The following RAP1A variants were observed in gnomAD, a reference collection of about 807,000 sequenced individuals.
RAP1A encodes the protein ras-related protein Rap-1A.
A neutral mutation model predicts 26.4 loss-of-function variants in RAP1A; 6 were observed. That is an observed-to-expected ratio of 0.23 (90% CI 0.12 to 0.45). The LOEUF is 0.45. Ranked by LOEUF, RAP1A falls within the 20% of genes least tolerant of loss-of-function variation. The probability of loss-of-function intolerance (pLI) is 0.99; values close to 1 mark genes in which losing one functional copy is unlikely to be tolerated. For missense variants in RAP1A, 121 were observed against 217.2 expected, an observed-to-expected ratio of 0.56 and a Z score of 2.78; for synonymous variants, 73 against 79.4, an observed-to-expected ratio of 0.92 and a Z score of 0.43.
chr1:111,651,048 C>T lies in RAP1A; in HGVS notation c.-28+31114C>T, dbSNP rs181057307. Reference sequence around the variant, plus strand: ...CGATCTCCTGACCTCGTGATCCGCCCGCCTCGGCCTCCCAAAGTGCTGGGA... The same window carrying T: ...CGATCTCCTGACCTCGTGATCCGCCTGCCTCGGCCTCCCAAAGTGCTGGGA... On this transcript the variant is annotated intron_variant, in intron 1 of 7. Transcript: ENST00000369709. 8.5e-3 allele frequency among the ~76,000 whole-genome samples: 1,298 copies of T among 152,108 alleles called. 25 individuals carry two copies. The highest frequency in any genetic ancestry group is 0.042 in the Admixed American group (639 of 15,286).
At chr1:111,583,131 C>G (rs1658291746) in intron 1 of RAP1A, among the ~76,000 whole-genome samples, 1 of 152,172 alleles carries the variant, frequency 6.6e-6, no homozygotes, top group South Asian at 2.1e-4. Flanking sequence ...CACCACTGAA[C>G]CTCTAAACAT....
At chr1:111,682,244 C>A (rs192559529) in intron 1 of RAP1A, among the ~76,000 whole-genome samples, 1 of 152,090 alleles carries the variant, frequency 6.6e-6, no homozygotes, top group Non-Finnish European at 1.5e-5. Flanking sequence ...AAAAACCATA[C>A]CAAAATATGA....
intron 1 of RAP1A, among the ~76,000 whole-genome samples, chr1:111,582,112 T>G (rs1280719967): frequency 2.0e-5 from 3 of 152,318 alleles, no homozygotes; most frequent in African/African-American, 7.2e-5. Context: ...TCAAGTGACA[T>G]CTCAGCCTTG....
intron 6 of RAP1A, 77 bp downstream of exon 6, chr1:111,704,563 A>AAAATTTTTATCTTTT: frequency 7.1e-7 from 1 of 1,401,206 alleles, no homozygotes; most frequent in Non-Finnish European, 9.5e-7. Flanking sequence ...CTTTTAAGAA[A>AAAATTTTTATCTTTT]AAATTTTTAT....
At chr1:111,688,871 A>G (rs1405672748) in intron 1 of RAP1A, among the ~76,000 whole-genome samples, 5 of 133,736 alleles carry the variant, frequency 3.7e-5, no homozygotes, top group East Asian at 2.2e-4. Flanking sequence ...GTCTCACTCT[A>G]TCGCCCAGGC....
At chr1:111,575,383 C>G (rs763979708) in intron 1 of RAP1A, among the ~76,000 whole-genome samples, 9 of 152,152 alleles carry the variant, frequency 5.9e-5, no homozygotes, top group Non-Finnish European at 1.0e-4. Flanking sequence ...AAACTCCTGG[C>G]CTCAAGTGAT....
chr1:111,551,953 C>A (rs2789534), intron 1 of RAP1A, among the ~76,000 whole-genome samples: 149,719 of 152,304 alleles, frequency 0.98, 73,638 homozygotes, highest in Middle Eastern at 1. Context: ...CGGCATGCAC[C>A]TGGCCTTCTA....
intron 1 of RAP1A, among the ~76,000 whole-genome samples, chr1:111,549,762 C>G (rs572100019): frequency 6.6e-6 from 1 of 152,264 alleles, no homozygotes; most frequent in South Asian, 2.1e-4. Flanking sequence ...GATCCTTCCA[C>G]TGCAGCCCCC....
At chr1:111,670,426 A>T (rs1440663600) in intron 1 of RAP1A, among the ~76,000 whole-genome samples, 1 of 152,142 alleles carries the variant, frequency 6.6e-6, no homozygotes, top group Non-Finnish European at 1.5e-5. Flanking sequence ...GTGAGCCAAG[A>T]TCATGCCACT....
intron 1 of RAP1A, among the ~76,000 whole-genome samples, chr1:111,598,816 A>C (rs1338065798): frequency 6.6e-6 from 1 of 152,100 alleles, no homozygotes; most frequent in East Asian, 1.9e-4. Flanking sequence ...AGTAGAAACC[A>C]CAGGTTGAGG....
intron 1 of RAP1A, among the ~76,000 whole-genome samples, chr1:111,569,741 G>C (rs758758556): frequency 6.6e-6 from 1 of 152,006 alleles, no homozygotes; most frequent in Non-Finnish European, 1.5e-5. Flanking sequence ...TGGCCAAGAG[G>C]TCTTCCCAGA....
intron 1 of RAP1A, among the ~76,000 whole-genome samples, chr1:111,677,767 A>G (rs1204745990): frequency 6.6e-6 from 1 of 152,190 alleles, no homozygotes; most frequent in Non-Finnish European, 1.5e-5. Flanking sequence ...GAAGTCACAT[A>G]TTTTAGCTTC....
chr1:111,673,142 C>T (rs2101187374), intron 1 of RAP1A, among the ~76,000 whole-genome samples: 1 of 152,284 alleles, frequency 6.6e-6, no homozygotes, highest in Non-Finnish European at 1.5e-5. Flanking sequence ...TTATGATGTA[C>T]TCTAAAGAGC....
intron 1 of RAP1A, among the ~76,000 whole-genome samples, chr1:111,633,086 T>C (rs1659621938): frequency 6.6e-6 from 1 of 152,106 alleles, no homozygotes; most frequent in Non-Finnish European, 1.5e-5. Context: ...ATGAAGAGGG[T>C]TGTTGTGAAG....
At chr1:111,600,460 A>G (rs72983181) in intron 1 of RAP1A, among the ~76,000 whole-genome samples, 1,716 of 152,332 alleles carry the variant, frequency 0.011, 26 homozygotes, top group African/African-American at 0.039. Flanking sequence ...AGCCAGTGCT[A>G]CAAGAGGTAG....
intron 1 of RAP1A, among the ~76,000 whole-genome samples, chr1:111,544,311 T>G (rs1304096406): frequency 2.0e-5 from 3 of 152,188 alleles, no homozygotes; most frequent in Non-Finnish European, 4.4e-5. Context: ...ATTCACAATG[T>G]TGTACAACCA....
intron 1 of RAP1A, among the ~76,000 whole-genome samples, chr1:111,543,175 T>C (rs138728663): frequency 6.6e-6 from 1 of 152,248 alleles, no homozygotes; most frequent in African/African-American, 2.4e-5. Flanking sequence ...GTAACTCAAC[T>C]ATGAAGTATA....
intron 2 of RAP1A, among the ~76,000 whole-genome samples, chr1:111,693,510 A>T (rs572118411): frequency 7.0e-4 from 107 of 152,302 alleles, no homozygotes; most frequent in South Asian, 5.6e-3. Context: ...ATAAAATTAT[A>T]ATCTATGTGA....
chr1:111,611,770 C>G (rs754320078), intron 1 of RAP1A, among the ~76,000 whole-genome samples: 23 of 152,150 alleles, frequency 1.5e-4, no homozygotes, highest in South Asian at 6.2e-4. Flanking sequence ...ACATGTTTAA[C>G]CACACTTAGG....
Sources: allele counts gnomAD v4.1 joint callset (sites outside exome capture counted in the v4.1 genomes callset), GRCh38; gene constraint gnomAD v4.1.1; transcripts MANE v1.5; gene names NCBI Gene and HGNC (gene_info 2026-07-23, HGNC 2026-07-21).